Variants in ITGA2 observed in about 807,000 individuals in gnomAD.
ITGA2 encodes the protein integrin alpha-2.
A neutral mutation model predicts 146.3 loss-of-function variants in ITGA2; 101 were observed. The observed-to-expected ratio is 0.69, with a 90% confidence interval of 0.59 to 0.81. The LOEUF (loss-of-function observed/expected upper bound fraction) is 0.81. Ranked by LOEUF, ITGA2 falls within the 40% of genes least tolerant of loss-of-function variation. The pLI is 0.00. For synonymous variants in ITGA2, 477 were observed against 487.1 expected, an observed-to-expected ratio of 0.98 and a Z score of 0.27; for missense variants, 1,281 against 1,402.7, an observed-to-expected ratio of 0.91 and a Z score of 1.39.
chr5:53,076,475 C>G (rs1745667721), intron 23 of ITGA2, among the ~76,000 whole-genome samples: 1 of 151,994 alleles, frequency 6.6e-6, no homozygotes, highest in Non-Finnish European at 1.5e-5. Context: ...AAATTCCGTC[C>G]AAATAATACA....
intron 1 of ITGA2, among the ~76,000 whole-genome samples, chr5:52,995,264 C>G (rs1741179086): frequency 1.3e-5 from 2 of 152,082 alleles, no homozygotes; most frequent in South Asian, 2.1e-4. Context: ...GGGCCTTGAG[C>G]AGGGGAGTGA....
In ITGA2 at chr5:53,026,870, TA is replaced by T; in HGVS notation, c.185+4del. 6.2e-7 allele frequency: 1 copy of T among 1,610,884 alleles called. No homozygotes were observed. The highest frequency in any genetic ancestry group is 1.7e-5 in the Admixed American group (1 of 59,990). ...GTTTATAAATCCAAAAGGCAACTGG[TA>T]AGAATATTCTCTTCTTTATGATTTC... On this transcript the variant is annotated splice_donor_region_variant and intron_variant, in intron 2 of 29. Coordinates refer to ENST00000296585, the MANE Select transcript of ITGA2 (RefSeq NM_002203.4).
intron 28 of ITGA2, among the ~76,000 whole-genome samples, chr5:53,088,212 ATG>A: frequency 6.6e-6 from 1 of 152,334 alleles, no homozygotes; most frequent in South Asian, 2.1e-4. Flanking sequence ...TTCAGACAAT[ATG>A]TGAAACTCTA....
chr5:53,028,287 G>C (rs939916237), intron 2 of ITGA2, among the ~76,000 whole-genome samples: 1 of 152,160 alleles, frequency 6.6e-6, no homozygotes, highest in Non-Finnish European at 1.5e-5. Context: ...GATGTAAATC[G>C]TGAGCTGGGT....
In ITGA2 at chr5:53,055,533, C is replaced by A; in HGVS notation, c.780-5C>A. On this transcript the variant is annotated splice_polypyrimidine_tract_variant and splice_region_variant and intron_variant, in intron 7 of 29. Transcript: ENST00000296585. ...CAAGTCTTTATTTAATTTTATCTGC[C>A]ACAGAAAATATGCTTATTCAGCAGC... 6.2e-7 allele frequency: 1 copy of A among 1,612,234 alleles called. No homozygotes were observed. Among genetic ancestry groups the A allele is most frequent in the Non-Finnish European group, 8.5e-7 (1 of 1,178,784 alleles).
intron 2 of ITGA2, among the ~76,000 whole-genome samples, chr5:53,028,565 C>T (rs1432813810): frequency 6.6e-6 from 1 of 152,186 alleles, no homozygotes; most frequent in African/African-American, 2.4e-5. Flanking sequence ...TGGAATCTAG[C>T]AGATGAAGTA....
chr5:53,080,736 C>A, intron 25 of ITGA2, 115 bp downstream of exon 25: 2 of 783,634 alleles, frequency 2.6e-6, no homozygotes, highest in South Asian at 1.4e-5. Flanking sequence ...AACTCCTATG[C>A]AGCCTGGGTG....
chr5:53,064,973 G>A lies in ITGA2; in HGVS notation c.1664G>A (p.Gly555Asp). Residue 555 changes from glycine to aspartate, a missense_variant, in exon 14 of 30, where the codon GGT becomes GAT. Coordinates refer to ENST00000296585, the MANE Select transcript of ITGA2 (RefSeq NM_002203.4). ...GPEGIENTRF[G>D]SAIAALSDIN... ...GAGGGCATTGAAAACACTCGATTTG[G>A]TTCAGCAATTGCAGCTCTTTCAGAC... 1 of 1,612,920 alleles carries A rather than the reference G, an allele frequency of 6.2e-7. No homozygotes were observed. Among genetic ancestry groups the A allele is most frequent in the South Asian group, 1.1e-5 (1 of 91,066 alleles).
intron 27 of ITGA2, among the ~76,000 whole-genome samples, chr5:53,086,472 T>C (rs1432422883): frequency 2.0e-5 from 3 of 152,320 alleles, no homozygotes; most frequent in African/African-American, 7.2e-5. Flanking sequence ...AGAAGGAAAG[T>C]TCTCTTACCT....
intron 2 of ITGA2, among the ~76,000 whole-genome samples, chr5:53,040,539 A>G (rs570338859): frequency 3.3e-5 from 5 of 152,216 alleles, no homozygotes; most frequent in Admixed American, 2.6e-4. Flanking sequence ...TCAGATTTCT[A>G]TCTTTTTCAA....
chr5:53,026,239 G>A (rs1742937969), intron 1 of ITGA2, among the ~76,000 whole-genome samples: 1 of 152,172 alleles, frequency 6.6e-6, no homozygotes, highest in African/African-American at 2.4e-5. Context: ...TTCGACAGAT[G>A]TTTCATATAG....
chr5:53,061,577 C>A (rs1427709197), intron 12 of ITGA2, among the ~76,000 whole-genome samples: 1 of 151,904 alleles, frequency 6.6e-6, no homozygotes, highest in East Asian at 1.9e-4. Flanking sequence ...CAATTATCTT[C>A]TCTGCCACTT....
At chr5:53,009,374 G>A (rs1340350293) in intron 1 of ITGA2, among the ~76,000 whole-genome samples, 3 of 152,078 alleles carry the variant, frequency 2.0e-5, no homozygotes, top group African/African-American at 7.2e-5. Flanking sequence ...AGCTACTTCT[G>A]GTGAGGGCTC....
chr5:52,993,490 C>G (rs1741074465), intron 1 of ITGA2, among the ~76,000 whole-genome samples: 1 of 152,192 alleles, frequency 6.6e-6, no homozygotes, highest in Admixed American at 6.5e-5. Context: ...GTTACCTACC[C>G]CTTACCACCT....
chr5:53,074,514 C>T (rs1330725123), intron 21 of ITGA2, 37 bp downstream of exon 21: 1 of 1,469,794 alleles, frequency 6.8e-7, no homozygotes, highest in Non-Finnish European at 9.5e-7. Context: ...CCATACAAGC[C>T]CTCCTTAGCA....
At chr5:53,074,852 A>G (rs1745586261) in intron 21 of ITGA2, among the ~76,000 whole-genome samples, 1 of 152,004 alleles carries the variant, frequency 6.6e-6, no homozygotes, top group Non-Finnish European at 1.5e-5. Context: ...TACATGTGTC[A>G]CTTGGAAGTC....
intron 27 of ITGA2, among the ~76,000 whole-genome samples, chr5:53,084,075 A>C (rs947414384): frequency 6.6e-6 from 1 of 152,138 alleles, no homozygotes; most frequent in Admixed American, 6.5e-5. Flanking sequence ...TTTTTTCCAT[A>C]TGGCAACTGT....
chr5:53,066,387 A>G (rs1745148625), intron 15 of ITGA2, among the ~76,000 whole-genome samples: 1 of 151,922 alleles, frequency 6.6e-6, no homozygotes, highest in Admixed American at 6.6e-5. Context: ...GGTATATTTT[A>G]AAATTATTAG....
intron 12 of ITGA2, among the ~76,000 whole-genome samples, chr5:53,062,217 A>G (rs1744933336): frequency 6.6e-6 from 1 of 151,918 alleles, no homozygotes; most frequent in African/African-American, 2.4e-5. Flanking sequence ...CCCTCTGCCT[A>G]GAAAACTCCA....
Sources: gnomAD v4.1 joint callset for allele counts (sites outside exome capture counted in the v4.1 genomes callset) on GRCh38, gnomAD v4.1.1 for gene constraint, MANE v1.5 for transcripts, NCBI Gene and HGNC (gene_info 2026-07-23, HGNC 2026-07-21) for gene names.